The following TAF1B variants were observed in gnomAD, a reference collection of about 807,000 sequenced individuals.
TAF1B encodes the protein TATA box-binding protein-associated factor RNA polymerase I subunit B.
Under a neutral mutation model 83.9 loss-of-function variants are expected in TAF1B, and 61 were observed. The observed-to-expected ratio is 0.73, with a 90% confidence interval of 0.59 to 0.90. The LOEUF (loss-of-function observed/expected upper bound fraction) is 0.90, where lower values mean the gene tolerates loss of function less well. Among genes scored for constraint, TAF1B ranks in the 40% least tolerant of loss-of-function variants. The pLI is 0.00. For synonymous variants in TAF1B, 221 were observed against 224.6 expected (o/e 0.98, Z 0.14); for missense variants, 625 against 677.0 (o/e 0.92, Z 0.85).
chr2:9,930,063 CTCTTT>C (rs999661595), intron 14 of TAF1B, among the ~76,000 whole-genome samples: 1 of 151,998 alleles, frequency 6.6e-6, no homozygotes, highest in African/African-American at 2.4e-5. Flanking sequence ...TTTGATTCTT[CTCTTT>C]TCTTCTTTAT....
At position 9,882,541 on chromosome 2, in the gene TAF1B, A is replaced by T. The variant is rs548641619; in HGVS notation, c.708-165A>T. 4.6e-5 allele frequency among the ~76,000 whole-genome samples: 7 copies of T among 152,390 alleles called. No individual in the cohort carries two copies. The South Asian group carries it at 1.4e-3, about 32-fold the overall frequency. ...TAAATAGGCCAACATATGGGTAAAG[A>T]GAATAATAGATATGATTAGATTTAT... is the stretch of plus-strand genomic sequence containing the variant. On this transcript the variant is annotated intron_variant, in intron 7 of 14. Coordinates refer to ENST00000263663, the MANE Select transcript of TAF1B (RefSeq NM_005680.3).
chr2:9,933,598 A>G (rs946182330), intron 14 of TAF1B, among the ~76,000 whole-genome samples, 185 bp from the exon 15 acceptor site: 1 of 152,190 alleles, frequency 6.6e-6, no homozygotes, highest in Non-Finnish European at 1.5e-5. Context: ...GGACAGTGTG[A>G]ACATGTTTTC....
chr2:9,863,417 C>G (rs1663847847), intron 5 of TAF1B, among the ~76,000 whole-genome samples: 1 of 152,170 alleles, frequency 6.6e-6, no homozygotes, highest in South Asian at 2.1e-4. Context: ...TATATATGCA[C>G]CCAATACAGG....
At chr2:9,864,458 A>T (rs1663894524) in intron 5 of TAF1B, among the ~76,000 whole-genome samples, 1 of 152,166 alleles carries the variant, frequency 6.6e-6, no homozygotes. Context: ...TAGCTTACCA[A>T]CCAAAAAAAG....
intron 12 of TAF1B, 57 bp from the exon 13 acceptor site, chr2:9,918,982 AAT>A: frequency 7.2e-7 from 1 of 1,386,738 alleles, no homozygotes. Context: ...TGCTTCAGAC[AAT>A]GTGTTTATGT....
At chr2:9,907,265 T>C (rs899400419) in intron 9 of TAF1B, among the ~76,000 whole-genome samples, 3 of 151,886 alleles carry the variant, frequency 2.0e-5, no homozygotes, top group Non-Finnish European at 1.5e-5. Context: ...ATGTAGATTC[T>C]AAAATGTTTA....
intron 14 of TAF1B, among the ~76,000 whole-genome samples, chr2:9,920,365 G>A (rs373194816): frequency 1.3e-4 from 20 of 151,904 alleles, no homozygotes; most frequent in Non-Finnish European, 2.4e-4. Flanking sequence ...TTATCTCTTC[G>A]GTCTCCTTTA....
intron 5 of TAF1B, among the ~76,000 whole-genome samples, chr2:9,861,209 G>A (rs571107617): frequency 6.6e-6 from 1 of 152,360 alleles, no homozygotes; most frequent in East Asian, 1.9e-4. Flanking sequence ...CAAAGACAGG[G>A]GTGACAGACG....
intron 8 of TAF1B, among the ~76,000 whole-genome samples, chr2:9,884,079 T>C (rs778160324): frequency 2.6e-5 from 4 of 152,224 alleles, no homozygotes; most frequent in African/African-American, 4.8e-5. Flanking sequence ...TGAGCAAGCA[T>C]GGGGTCTGGC....
intron 7 of TAF1B, among the ~76,000 whole-genome samples, chr2:9,877,278 A>G (rs1664347028): frequency 6.6e-6 from 1 of 152,126 alleles, no homozygotes; most frequent in Admixed American, 6.5e-5. Context: ...AGCTACTTAG[A>G]TGTCTTTATG....
intron 1 of TAF1B, 105 bp downstream of exon 1, chr2:9,843,664 CG>C: frequency 7.8e-7 from 1 of 1,276,042 alleles, no homozygotes; most frequent in Non-Finnish European, 1.0e-6. Flanking sequence ...GCGACGCCAC[CG>C]GCTGGAGGAA....
chr2:9,860,567 C>T (rs1663720572), intron 5 of TAF1B, among the ~76,000 whole-genome samples: 1 of 152,082 alleles, frequency 6.6e-6, no homozygotes, highest in South Asian at 2.1e-4. Flanking sequence ...GGTATGAAGA[C>T]AGAGAGAGGA....
chr2:9,882,182 C>T (rs1423519199), intron 7 of TAF1B, among the ~76,000 whole-genome samples: 1 of 151,858 alleles, frequency 6.6e-6, no homozygotes. Context: ...CTCACTGCAA[C>T]CTCCGCCTCC....
chr2:9,880,050 A>G (rs1210828015), intron 7 of TAF1B, among the ~76,000 whole-genome samples: 4 of 152,174 alleles, frequency 2.6e-5, no homozygotes, highest in South Asian at 2.1e-4. Flanking sequence ...CACGGAGACC[A>G]GGTGGTCTTT....
intron 14 of TAF1B, among the ~76,000 whole-genome samples, chr2:9,929,690 T>C (rs900224541): frequency 6.6e-6 from 1 of 152,234 alleles, no homozygotes; most frequent in Non-Finnish European, 1.5e-5. Context: ...AGGATGATGC[T>C]GGCCTCATAA....
intron 1 of TAF1B, 37 bp from the exon 2 acceptor site, chr2:9,845,183 T>G (rs759766131): frequency 2.6e-6 from 4 of 1,543,768 alleles, no homozygotes; most frequent in Non-Finnish European, 3.6e-6. Context: ...TGAATGTGGC[T>G]TGATGGGAAC....
rs1666302814 is a variant in TAF1B, at chr2:9,934,088, G to T, written c.*104G>T. 2 of 900,818 alleles carry T rather than the reference G, an allele frequency of 2.2e-6. No homozygotes were observed. Among genetic ancestry groups the T allele is most frequent in the East Asian group, 5.3e-5 (2 of 37,478 alleles). The allele number at this position is 900,818 out of a possible 1,614,324, so 55.8% of individuals were successfully genotyped here. A position where few individuals can be genotyped will look rare whatever the true frequency, so the allele number is the denominator to read the frequency against. On this transcript the variant is annotated 3_prime_UTR_variant, in exon 15 of 15. Transcript: ENST00000263663. ...ATTGTGGAAAATACTGCATATATATGTATAGACTCTGACACATATTTACAT... is the reference window on the plus strand; with the variant it reads ...ATTGTGGAAAATACTGCATATATATTTATAGACTCTGACACATATTTACAT...
At chr2:9,861,206 A>G (rs1027991644) in intron 5 of TAF1B, among the ~76,000 whole-genome samples, 1 of 152,110 alleles carries the variant, frequency 6.6e-6, no homozygotes, top group East Asian at 1.9e-4. Flanking sequence ...AGTCAAAGAC[A>G]GGGGTGACAG....
chr2:9,853,228 A>AT (rs143636998), intron 4 of TAF1B, among the ~76,000 whole-genome samples: 6,697 of 152,318 alleles, frequency 0.044, 191 homozygotes, highest in Non-Finnish European at 0.067. Flanking sequence ...GCCAATGAGC[A>AT]TAACTGTTTA....
Sources: gnomAD v4.1 joint callset for allele counts (sites outside exome capture counted in the v4.1 genomes callset) on GRCh38, gnomAD v4.1.1 for gene constraint, MANE v1.5 for transcripts, NCBI Gene and HGNC (gene_info 2026-07-23, HGNC 2026-07-21) for gene names.